Variants in RASA3 observed in about 807,000 individuals in gnomAD.
The protein encoded by RASA3 is ras GTPase-activating protein 3.
A neutral mutation model predicts 110.0 loss-of-function variants in RASA3; 73 were observed. That is an observed-to-expected ratio of 0.66 (90% CI 0.55 to 0.81). The LOEUF is 0.81. RASA3 is among the 30% of genes least tolerant of loss of function. The pLI, the probability that RASA3 is intolerant of heterozygous loss-of-function variation, is 0.00. For missense variants in RASA3, 976 were observed against 1,113.2 expected, an observed-to-expected ratio of 0.88 and a Z score of 1.75; for synonymous variants, 500 against 451.4, an observed-to-expected ratio of 1.11 and a Z score of -1.37.
intron 2 of RASA3, among the ~76,000 whole-genome samples, chr13:114,073,047 C>T (rs932917849): frequency 6.6e-6 from 1 of 151,078 alleles, no homozygotes; most frequent in Admixed American, 6.6e-5. Context: ...GGGACATTGT[C>T]TACACACAGA....
Position 114,096,738 on chromosome 13 carries a change from G to T in RASA3, c.56-22901C>A, listed in dbSNP as rs541579060. 7.9e-5 allele frequency among the ~76,000 whole-genome samples: 12 copies of T among 151,912 alleles called. No individual in the cohort carries two copies. Among genetic ancestry groups the T allele is most frequent in the Non-Finnish European group, 1.8e-4 (12 of 67,988 alleles). ...CACCCTTCCCTCCTCGTCCCCCAAA[G>T]CACTCAACAGCTCTCCAGCACCCAC... On this transcript the variant is annotated intron_variant, in intron 1 of 23. Transcript: ENST00000334062. The surrounding 1 kb of genome is among the most constrained non-coding windows in gnomAD (Gnocchi z 5.1).
chr13:114,027,712 G>A, intron 6 of RASA3, 135 bp downstream of exon 6: 2 of 976,176 alleles, frequency 2.0e-6, no homozygotes, highest in South Asian at 1.4e-5. Context: ...AAAACAAAAG[G>A]AAGTAAAAAT....
At chr13:114,033,423 A>G (rs1594359002) in intron 4 of RASA3, among the ~76,000 whole-genome samples, 1 of 94,688 alleles carries the variant, frequency 1.1e-5, no homozygotes, top group Non-Finnish European at 2.2e-5. Flanking sequence ...GTTCCACGGC[A>G]CCCCCACACT....
rs1009976680 is a variant in RASA3 at position 114,094,555 on chromosome 13, G to A, written c.56-20718C>T. 4.6e-5 allele frequency among the ~76,000 whole-genome samples: 7 copies of A among 152,056 alleles called. No homozygotes were observed. In the East Asian group the frequency reaches 7.7e-4, roughly 17 times the overall value. On this transcript the variant is annotated intron_variant, in intron 1 of 23. Coordinates refer to ENST00000334062, the MANE Select transcript of RASA3 (RefSeq NM_007368.4). ...TAAATGTGCTAAATGCCACTGAATC[G>A]TACACTTTAAAATTCTTAAAATGCT...
intron 1 of RASA3, among the ~76,000 whole-genome samples, chr13:114,089,422 G>T (rs1056976712): frequency 6.6e-6 from 1 of 151,834 alleles, no homozygotes; most frequent in African/African-American, 2.4e-5. Flanking sequence ...AGGGCAGGAG[G>T]CGGCCACCTG....
chr13:114,004,822 C>A (rs186172320), intron 18 of RASA3, among the ~76,000 whole-genome samples: 1 of 152,178 alleles, frequency 6.6e-6, no homozygotes, highest in African/African-American at 2.4e-5. Flanking sequence ...CACCTGCATG[C>A]GTACGTTTAC....
At chr13:114,103,956 A>C (rs1243504789) in intron 1 of RASA3, among the ~76,000 whole-genome samples, 1 of 28,792 alleles carries the variant, frequency 3.5e-5, no homozygotes. Context: ...ACGGACACCC[A>C]CCCCCGATGC....
Position 114,016,275 on chromosome 13 carries a change from G to A in RASA3, c.1207-4C>T, listed in dbSNP as rs551608303. 8 of 1,582,118 alleles carry A rather than the reference G, an allele frequency of 5.1e-6. No homozygotes were observed. In the South Asian group the frequency reaches 8.8e-5, roughly 17 times the overall value. The stretch of plus-strand genomic sequence containing the variant: ...AGGGTTTGTGGCTCTGGCATATCTG[G>A]GGAGAGGTTTAAGACAGGGCTCTGT... On this transcript the variant is annotated splice_polypyrimidine_tract_variant and splice_region_variant and intron_variant, in intron 12 of 23. Coordinates refer to ENST00000334062, the MANE Select transcript of RASA3 (RefSeq NM_007368.4).
At chr13:114,129,740 G>A (rs2080494007) in intron 1 of RASA3, among the ~76,000 whole-genome samples, 1 of 152,194 alleles carries the variant, frequency 6.6e-6, no homozygotes, top group African/African-American at 2.4e-5. Flanking sequence ...ACCGGATGTA[G>A]TAGACAATAA....
chr13:114,088,784 AGGTGATCCAACCGCCTTG>A (rs1402284629), intron 1 of RASA3, among the ~76,000 whole-genome samples: 1 of 152,188 alleles, frequency 6.6e-6, no homozygotes, highest in Non-Finnish European at 1.5e-5. Flanking sequence ...TCCCGACCTC[AGGTGATCCAACCGCCTTG>A]GCCTCCCAAA....
intron 14 of RASA3, among the ~76,000 whole-genome samples, chr13:114,013,816 GTC>G (rs2053711539): frequency 1.9e-5 from 2 of 103,062 alleles, no homozygotes; most frequent in East Asian, 3.2e-4. Context: ...CTCTCTCCCC[GTC>G]TCTTTCTCTC....
At position 113,989,223 on chromosome 13, in the gene RASA3, A is replaced by G. The variant is rs1163580228; in HGVS notation, c.2245+3262T>C. Among the ~76,000 whole-genome samples, 9 of 127,696 alleles carry G rather than the reference A, an allele frequency of 7.0e-5. No homozygotes were observed. The East Asian group carries it at 2.0e-3, about 28-fold the overall frequency. The allele number at this position is 127,696 out of a possible 152,430, so 83.8% of individuals were successfully genotyped here. A position where few individuals can be genotyped will look rare whatever the true frequency, so the allele number is the denominator to read the frequency against. ...CACCCATCTGTTCATCCACCCATCT[A>G]CCCATCCATCCATCCACCCATCTCT... On this transcript the variant is annotated intron_variant, in intron 22 of 23. Coordinates refer to ENST00000334062, the MANE Select transcript of RASA3 (RefSeq NM_007368.4).
At position 114,132,532 on chromosome 13, in the gene RASA3, C is replaced by G. The variant is rs753474725; in HGVS notation, c.-43G>C. 1.6e-5 allele frequency: 23 copies of G among 1,430,202 alleles called. No homozygotes were observed. The highest frequency in any genetic ancestry group is 1.9e-5 in the Non-Finnish European group (21 of 1,089,546). 88.6% of individuals were successfully genotyped at this position (1,430,202 alleles called of 1,614,324 possible). A position where few individuals can be genotyped will look rare whatever the true frequency, so the allele number is the denominator to read the frequency against. ...GCCGAGCCTCGCCCCAAGCGCGCGC[C>G]GAGCCCGGGCAGCTCAGGCCGAGCA... On this transcript the variant is annotated 5_prime_UTR_variant, in exon 1 of 24. Coordinates refer to ENST00000334062, the MANE Select transcript of RASA3 (RefSeq NM_007368.4).
chr13:114,094,443 A>G (rs1594447244), intron 1 of RASA3, among the ~76,000 whole-genome samples: 1 of 152,240 alleles, frequency 6.6e-6, no homozygotes, highest in Non-Finnish European at 1.5e-5. Context: ...GGCTGCCAGG[A>G]GATGGGAAGT....
chr13:114,118,379 CT>C (rs1351178789), intron 1 of RASA3, among the ~76,000 whole-genome samples: 2 of 152,130 alleles, frequency 1.3e-5, no homozygotes, highest in African/African-American at 4.8e-5. Flanking sequence ...TCACTTTACT[CT>C]AACTAATATT....
chr13:114,028,458 T>TC (rs1213160535), intron 5 of RASA3, among the ~76,000 whole-genome samples: 9 of 147,432 alleles, frequency 6.1e-5, no homozygotes, highest in Middle Eastern at 3.8e-3. Context: ...AACAGCGTCA[T>TC]CTGGGAGCCA....
chr13:114,058,385 C>T (rs997040253), intron 2 of RASA3, among the ~76,000 whole-genome samples: 1 of 152,214 alleles, frequency 6.6e-6, no homozygotes, highest in African/African-American at 2.4e-5. Context: ...ACGACCTCTC[C>T]CGAACCTGGA....
intron 21 of RASA3, among the ~76,000 whole-genome samples, chr13:113,995,669 ACCCAGCTGATGGGGG>A (rs1469889125): frequency 1.2e-5 from 1 of 83,282 alleles, no homozygotes; most frequent in Non-Finnish European, 2.3e-5. Context: ...CTGACGGAGG[ACCCAGCTGATGGGGG>A]CCCGGCTGAT....
intron 21 of RASA3, among the ~76,000 whole-genome samples, chr13:113,995,762 C>G (rs1279799329): frequency 5.1e-5 from 1 of 19,490 alleles, no homozygotes; most frequent in Non-Finnish European, 8.0e-5. Context: ...CTGACGGGGG[C>G]CCGGCTGACG....
Sources: allele counts gnomAD v4.1 joint callset (sites outside exome capture counted in the v4.1 genomes callset), GRCh38; gene constraint gnomAD v4.1.1; non-coding constraint Gnocchi (gnomAD v3.1); transcripts MANE v1.5; gene names NCBI Gene and HGNC (gene_info 2026-07-23, HGNC 2026-07-21).